The following LRRTM3 variants were observed in gnomAD, a reference collection of about 807,000 sequenced individuals.
The protein encoded by LRRTM3 is leucine-rich repeat transmembrane neuronal protein 3.
LRRTM3 carries 24 observed loss-of-function variants against 44.7 expected under a neutral mutation model. The observed-to-expected ratio is 0.54, with a 90% CI of 0.39 to 0.76. The LOEUF (loss-of-function observed/expected upper bound fraction) is 0.76. LRRTM3 is among the 30% of genes least tolerant of loss of function. The pLI is 0.00. For synonymous variants in LRRTM3, 277 were observed against 278.7 expected (o/e 0.99, Z 0.06); for missense variants, 587 against 702.2 (o/e 0.84, Z 1.85).
intron 2 of LRRTM3, among the ~76,000 whole-genome samples, chr10:66,937,778 G>T (rs1403450502): frequency 6.6e-6 from 1 of 152,100 alleles, no homozygotes; most frequent in Non-Finnish European, 1.5e-5. Context: ...TCCTTTGTGA[G>T]AAATGCCCTT....
intron 2 of LRRTM3, among the ~76,000 whole-genome samples, chr10:67,064,842 T>A (rs748551201): frequency 6.6e-6 from 1 of 152,236 alleles, no homozygotes; most frequent in African/African-American, 2.4e-5. Context: ...GAGGGACAGA[T>A]GAATTCTCTA....
intron 2 of LRRTM3, among the ~76,000 whole-genome samples, chr10:67,053,353 T>C (rs1855228444): frequency 6.6e-6 from 1 of 152,146 alleles, no homozygotes; most frequent in Non-Finnish European, 1.5e-5. Context: ...TGAGGTGAGA[T>C]AGAAGAAGTT....
Position 66,926,148 on chromosome 10 carries a change from T to C in LRRTM3, c.-436T>C. ...AACGCAGCTCTGTGGCTGAACTGGG[T>C]GCTCATCACGGGAACTGCTGGGGTA... On this transcript the variant is annotated 5_prime_UTR_variant, in exon 1 of 3. Coordinates refer to ENST00000361320, the MANE Select transcript of LRRTM3 (RefSeq NM_178011.5). The C allele has an allele frequency of 2.2e-6, 1 of 460,548 alleles. No homozygotes were observed. 28.5% of individuals were successfully genotyped at this position (460,548 alleles called of 1,614,324 possible).
rs559895774 is a variant in LRRTM3, at chr10:66,987,271, C to A, written c.1536+58819C>A. 4.6e-5 allele frequency among the ~76,000 whole-genome samples: 7 copies of A among 152,210 alleles called. 1 individual carries two copies. In the South Asian group the frequency reaches 1.5e-3, roughly 32 times the overall value. On this transcript the variant is annotated intron_variant, in intron 2 of 2. Transcript: ENST00000361320. The stretch of plus-strand genomic sequence containing the variant: ...GTGGCACATGACATGACCTGATTGA[C>A]ATTGTAACAGGGGAGCAAGGCAGAA...
chr10:66,972,110 C>A (rs1312802334), intron 2 of LRRTM3, among the ~76,000 whole-genome samples: 1 of 152,162 alleles, frequency 6.6e-6, no homozygotes, highest in African/African-American at 2.4e-5. Context: ...GTTGCCATAG[C>A]ACACCTACTC....
chr10:66,998,508 A>T (rs1453514729), intron 2 of LRRTM3, among the ~76,000 whole-genome samples: 2 of 152,222 alleles, frequency 1.3e-5, no homozygotes, highest in East Asian at 3.8e-4. Flanking sequence ...CAAGACACAC[A>T]AATAAAATAC....
At chr10:67,067,720 A>G (rs1856179036) in intron 2 of LRRTM3, among the ~76,000 whole-genome samples, 1 of 152,234 alleles carries the variant, frequency 6.6e-6, no homozygotes, top group Non-Finnish European at 1.5e-5. Context: ...GATTCAGACT[A>G]AGCTCAATTA....
chr10:67,073,126 C>G (rs1856556454), intron 2 of LRRTM3, among the ~76,000 whole-genome samples: 1 of 152,154 alleles, frequency 6.6e-6, no homozygotes, highest in Non-Finnish European at 1.5e-5. Flanking sequence ...GAATAATTTT[C>G]CCTTCTGAAA....
chr10:67,013,244 A>G (rs906719273), intron 2 of LRRTM3, among the ~76,000 whole-genome samples: 1 of 151,544 alleles, frequency 6.6e-6, no homozygotes, highest in Admixed American at 6.6e-5. Flanking sequence ...TACTCTATTA[A>G]GTTGCCTCTC....
intron 2 of LRRTM3, among the ~76,000 whole-genome samples, chr10:66,969,326 T>A (rs1849598785): frequency 6.6e-6 from 1 of 152,154 alleles, no homozygotes; most frequent in Admixed American, 6.5e-5. Flanking sequence ...CATTTCCATG[T>A]CATTAAAACT....
intron 2 of LRRTM3, among the ~76,000 whole-genome samples, chr10:67,095,832 A>G (rs916228425): frequency 6.6e-6 from 1 of 151,912 alleles, no homozygotes; most frequent in Non-Finnish European, 1.5e-5. Context: ...GTTCTCTTCT[A>G]TAACTCAAAT....
chr10:66,985,111 T>C (rs1362396035), intron 2 of LRRTM3, among the ~76,000 whole-genome samples: 1 of 152,204 alleles, frequency 6.6e-6, no homozygotes, highest in Non-Finnish European at 1.5e-5. Flanking sequence ...TCCTTATGGC[T>C]GCCTTCTGCA....
In LRRTM3 at chr10:67,087,046, C is replaced by T. The variant is rs149005460; in HGVS notation, c.1537-10541C>T. Reference sequence around the variant, plus strand: ...TGAAGAAACGGATTTGGAAACACAGCACCAAGATTAGAGAGGCTTTTGAGC... The same window carrying T: ...TGAAGAAACGGATTTGGAAACACAGTACCAAGATTAGAGAGGCTTTTGAGC... On this transcript the variant is annotated intron_variant, in intron 2 of 2. Transcript: ENST00000361320. 9.1e-3 allele frequency among the ~76,000 whole-genome samples: 1,388 copies of T among 152,074 alleles called. 26 individuals carry two copies. The highest frequency in any genetic ancestry group is 0.032 in the African/African-American group (1,321 of 41,508).
intron 2 of LRRTM3, among the ~76,000 whole-genome samples, chr10:67,018,308 C>T (rs17279293): frequency 0.11 from 16,935 of 152,170 alleles, 1,173 homozygotes; most frequent in South Asian, 0.28. Flanking sequence ...TCTTCGCTTT[C>T]ACCCATTTCT....
chr10:66,957,429 C>CATAT lies in LRRTM3; in HGVS notation c.1536+28986_1536+28989dup, dbSNP rs765398428. 2.3e-3 allele frequency among the ~76,000 whole-genome samples: 62 copies of CATAT among 27,240 alleles called. 1 individual carries two copies. The highest frequency in any genetic ancestry group is 3.3e-3 in the Non-Finnish European group (47 of 14,258). The allele number at this position is 27,240 out of a possible 152,430, so 17.9% of individuals were successfully genotyped here. On this transcript the variant is annotated intron_variant, in intron 2 of 2. Transcript: ENST00000361320. The stretch of plus-strand genomic sequence containing the variant: ...ATATATATATGCATATATATATATG[C>CATAT]ATATATATATATGCATATATATATA...
At position 67,097,380 on chromosome 10, in the gene LRRTM3, C is replaced by G. The variant is rs1858065562; in HGVS notation, c.1537-207C>G. Among the ~76,000 whole-genome samples, 6 of 151,746 alleles carry G rather than the reference C, an allele frequency of 4.0e-5. No homozygotes were observed. The South Asian group carries it at 1.2e-3, about 32-fold the overall frequency. Reference sequence around the variant, plus strand: ...CCAAATCTTCTAGTAAAGAATTAAGCAGTTTCATCCCAGGATTTAAAACTG... The same window carrying G: ...CCAAATCTTCTAGTAAAGAATTAAGGAGTTTCATCCCAGGATTTAAAACTG... On this transcript the variant is annotated intron_variant, in intron 2 of 2. Transcript: ENST00000361320.
intron 2 of LRRTM3, among the ~76,000 whole-genome samples, chr10:67,024,697 A>C (rs1225697962): frequency 6.6e-6 from 1 of 152,218 alleles, no homozygotes; most frequent in Non-Finnish European, 1.5e-5. Context: ...GATCTTGTTA[A>C]TGCTCAGATA....
intron 2 of LRRTM3, among the ~76,000 whole-genome samples, chr10:67,064,102 G>C (rs1294508118): frequency 6.6e-6 from 1 of 152,112 alleles, no homozygotes; most frequent in African/African-American, 2.4e-5. Context: ...GTTAGCCCTT[G>C]AGTCATCTTC....
intron 1 of LRRTM3, 124 bp from the exon 2 acceptor site, chr10:66,926,797 A>G (rs1847102859): frequency 1.0e-6 from 1 of 974,218 alleles, no homozygotes; most frequent in Non-Finnish European, 1.5e-6. Context: ...AAGAGATAAT[A>G]TGTGATGTTA....
Sources: gnomAD v4.1 joint callset for allele counts (sites outside exome capture counted in the v4.1 genomes callset) on GRCh38, gnomAD v4.1.1 for gene constraint, MANE v1.5 for transcripts, NCBI Gene and HGNC (gene_info 2026-07-23, HGNC 2026-07-21) for gene names.